The following FBXO4 variants were observed in gnomAD, a reference collection of about 807,000 sequenced individuals.
FBXO4 encodes the protein F-box only protein 4.
In FBXO4, 36 loss-of-function variants were observed where a neutral mutation model predicts 43.7. That is an observed-to-expected ratio of 0.82 (90% CI 0.63 to 1.09). The LOEUF is 1.09. FBXO4 is among the 50% of genes least tolerant of loss of function. The probability of loss-of-function intolerance (pLI) is 0.00; values close to 1 mark genes in which losing one functional copy is unlikely to be tolerated. For synonymous variants in FBXO4, 180 were observed against 165.6 expected, an observed-to-expected ratio of 1.09 and a Z score of -0.67; for missense variants, 435 against 474.1, an observed-to-expected ratio of 0.92 and a Z score of 0.77.
At chr5:41,993,475 C>A in the FBXO4 span, among the ~76,000 whole-genome samples, 2 of 151,850 alleles carry the variant, frequency 1.3e-5, no homozygotes, top group Admixed American at 6.6e-5. Context: ...TTATGATCAA[C>A]TTTCTTAGCA....
chr5:41,933,486 G>A (rs1751754926), intron 3 of FBXO4, among the ~76,000 whole-genome samples: 1 of 152,058 alleles, frequency 6.6e-6, no homozygotes, highest in South Asian at 2.1e-4. Context: ...CCAAATTGTT[G>A]GGATTACAGA....
the FBXO4 span, among the ~76,000 whole-genome samples, chr5:42,014,606 A>G: frequency 6.6e-6 from 1 of 152,060 alleles, no homozygotes; most frequent in African/African-American, 2.4e-5. Flanking sequence ...TTCCTCACCT[A>G]CTTCACTAGG....
chr5:42,038,834 G>T, the FBXO4 span, among the ~76,000 whole-genome samples: 1 of 151,824 alleles, frequency 6.6e-6, no homozygotes, highest in African/African-American at 2.4e-5. Context: ...ATTTTTTAAA[G>T]CTCCCACATT....
chr5:41,930,237 T>G (rs1751642532), intron 3 of FBXO4: 1 of 229,128 alleles, frequency 4.4e-6, no homozygotes, highest in Admixed American at 5.2e-5. Context: ...TGAGCATCTG[T>G]GTGGAGAGTA....
At chr5:41,983,241 G>C in the FBXO4 span, among the ~76,000 whole-genome samples, 1 of 152,144 alleles carries the variant, frequency 6.6e-6, no homozygotes, top group Non-Finnish European at 1.5e-5. Context: ...TTAAAGGAGT[G>C]ATACCTATAT....
At chr5:42,006,106 AG>A in the FBXO4 span, among the ~76,000 whole-genome samples, 14 of 152,282 alleles carry the variant, frequency 9.2e-5, no homozygotes, top group African/African-American at 3.4e-4. Context: ...CAGATACAAA[AG>A]CTTAGCTTAG....
At chr5:41,999,459 G>A in the FBXO4 span, among the ~76,000 whole-genome samples, 2 of 66,364 alleles carry the variant, frequency 3.0e-5, no homozygotes, top group African/African-American at 1.4e-4. Flanking sequence ...GTGTGTGTGT[G>A]TGTGTGTATA....
At chr5:41,963,382 A>C in the FBXO4 span, among the ~76,000 whole-genome samples, 1 of 152,136 alleles carries the variant, frequency 6.6e-6, no homozygotes, top group African/African-American at 2.4e-5. Flanking sequence ...TGACATTCAA[A>C]ACCAAGTTTG....
In FBXO4 at chr5:41,933,970, A is replaced by C; in HGVS notation, c.671A>C (p.Gln224Pro). The change falls in exon 4 of 7, where the codon CAG becomes CCG. Residue 224 changes from glutamine to proline, a missense_variant. Transcript: ENST00000281623. ...GGTATTGGATCAGGAGTCAATTTTC[A>C]GTTGAACAACCAACATAAATTCAAC... Reference protein sequence around the residue: ...IDGIGSGVNFQLNNQHKFNIL... With the variant: ...IDGIGSGVNFPLNNQHKFNIL... 1.2e-6 allele frequency: 2 copies of C among 1,613,426 alleles called. No homozygotes were observed. Among genetic ancestry groups the C allele is most frequent in the East Asian group, 2.2e-5 (1 of 44,844 alleles).
At chr5:41,953,355 C>T in the FBXO4 span, among the ~76,000 whole-genome samples, 7 of 151,680 alleles carry the variant, frequency 4.6e-5, no homozygotes, top group East Asian at 3.9e-4. Context: ...CATAGTATTC[C>T]GTGGTGTATA....
At chr5:42,016,504 G>A in the FBXO4 span, among the ~76,000 whole-genome samples, 3 of 151,804 alleles carry the variant, frequency 2.0e-5, no homozygotes, top group Non-Finnish European at 2.9e-5. Context: ...GGTCCTTCTC[G>A]GCATAATTCA....
the FBXO4 span, among the ~76,000 whole-genome samples, chr5:41,956,015 A>T: frequency 6.6e-6 from 1 of 152,208 alleles, no homozygotes; most frequent in East Asian, 1.9e-4. Flanking sequence ...AACGTTTAAG[A>T]ATATTTATAG....
At chr5:41,979,179 A>G in the FBXO4 span, among the ~76,000 whole-genome samples, 1 of 152,222 alleles carries the variant, frequency 6.6e-6, no homozygotes, top group Non-Finnish European at 1.5e-5. Flanking sequence ...AATTGGTGTG[A>G]ATCTGCATAA....
the FBXO4 span, among the ~76,000 whole-genome samples, chr5:41,990,773 T>C: frequency 2.0e-5 from 3 of 152,184 alleles, no homozygotes; most frequent in Admixed American, 2.0e-4. Context: ...AATGTATTAA[T>C]GGCCACTATT....
chr5:41,953,623 AGT>A, the FBXO4 span, among the ~76,000 whole-genome samples: 1 of 150,688 alleles, frequency 6.6e-6, no homozygotes, highest in Non-Finnish European at 1.5e-5. Flanking sequence ...ACAGTGTAAA[AGT>A]GTTCCTATTT....
chr5:42,020,902 A>C, the FBXO4 span, among the ~76,000 whole-genome samples: 1 of 152,206 alleles, frequency 6.6e-6, no homozygotes, highest in Non-Finnish European at 1.5e-5. Flanking sequence ...CTTAAAGATG[A>C]GAAGGAATCC....
chr5:42,039,758 T>A, the FBXO4 span, among the ~76,000 whole-genome samples: 5 of 152,136 alleles, frequency 3.3e-5, no homozygotes, highest in Admixed American at 2.6e-4. Context: ...TTTTCAGATA[T>A]AATTAAGTGC....
At chr5:41,965,797 G>A in the FBXO4 span, among the ~76,000 whole-genome samples, 1 of 151,988 alleles carries the variant, frequency 6.6e-6, no homozygotes, top group African/African-American at 2.4e-5. Flanking sequence ...TACCATTACT[G>A]GGTATACACC....
At chr5:41,954,024 T>C in the FBXO4 span, among the ~76,000 whole-genome samples, 12,102 of 152,220 alleles carry the variant, frequency 0.08, 689 homozygotes, top group African/African-American at 0.16. Flanking sequence ...GACAGACCAG[T>C]TGGCCCTTCA....
Sources: allele counts gnomAD v4.1 joint callset (sites outside exome capture counted in the v4.1 genomes callset), GRCh38; gene constraint gnomAD v4.1.1; transcripts MANE v1.5; gene names NCBI Gene and HGNC (gene_info 2026-07-23, HGNC 2026-07-21).